Variants in MAPK14 observed in about 807,000 individuals in gnomAD.
MAPK14 encodes the protein CSAID-binding protein.
MAPK14 carries 16 observed loss-of-function variants against 49.6 expected under a neutral mutation model. The ratio of observed to expected loss-of-function variants is 0.32; its 90% confidence interval spans 0.22 to 0.49. The LOEUF (loss-of-function observed/expected upper bound fraction) is 0.49, where lower values mean the gene tolerates loss of function less well. Among genes scored for constraint, MAPK14 ranks in the 20% least tolerant of loss-of-function variants. The probability of loss-of-function intolerance (pLI) is 0.99; values close to 1 mark genes in which losing one functional copy is unlikely to be tolerated. For synonymous variants in MAPK14, 142 were observed against 158.0 expected, an observed-to-expected ratio of 0.90 and a Z score of 0.76; for missense variants, 200 against 441.2, an observed-to-expected ratio of 0.45 and a Z score of 4.90.
intron 9 of MAPK14, among the ~76,000 whole-genome samples, chr6:36,098,871 C>G (rs1165382524): frequency 1.3e-5 from 2 of 152,154 alleles, no homozygotes; most frequent in African/African-American, 4.8e-5. Context: ...TATCTGTACT[C>G]CTAACAAAAT....
chr6:36,117,252 G>C, the MAPK14 span, among the ~76,000 whole-genome samples: 1 of 152,166 alleles, frequency 6.6e-6, no homozygotes, highest in Non-Finnish European at 1.5e-5. Flanking sequence ...AGCCAAAAGG[G>C]CTCAAGCCAG....
intron 7 of MAPK14, 46 bp downstream of exon 7, chr6:36,076,008 G>A (rs1764517975): frequency 1.9e-6 from 3 of 1,591,154 alleles, no homozygotes; most frequent in African/African-American, 2.7e-5. Context: ...ATTCCATGTT[G>A]GATGCATTTG....
At chr6:36,094,784 C>G (rs1765382203) in intron 8 of MAPK14, among the ~76,000 whole-genome samples, 1 of 151,976 alleles carries the variant, frequency 6.6e-6, no homozygotes, top group African/African-American at 2.4e-5. Context: ...AGGGGGCAGA[C>G]AGTAAGCAAA....
the MAPK14 span, among the ~76,000 whole-genome samples, chr6:36,124,095 GTCTC>G: frequency 8.9e-6 from 1 of 112,734 alleles, no homozygotes; most frequent in Admixed American, 9.2e-5. Flanking sequence ...TTTCTTTCTT[GTCTC>G]TCTTTCTCTC....
chr6:36,081,261 T>G (rs1449064241), intron 8 of MAPK14, among the ~76,000 whole-genome samples: 1 of 152,202 alleles, frequency 6.6e-6, no homozygotes, highest in African/African-American at 2.4e-5. Flanking sequence ...AGGTCATGAA[T>G]AATTTACCCC....
chr6:36,102,507 ATTCT>A (rs1226000125), intron 9 of MAPK14, 60 bp from the exon 10 acceptor site: 13 of 1,250,998 alleles, frequency 1.0e-5, no homozygotes, highest in Admixed American at 5.3e-5. Flanking sequence ...CAGGACCAAG[ATTCT>A]TTCTTTGAGA....
intron 3 of MAPK14, among the ~76,000 whole-genome samples, chr6:36,068,592 T>C (rs551081526): frequency 7.0e-4 from 107 of 152,346 alleles, no homozygotes; most frequent in African/African-American, 2.5e-3. Flanking sequence ...TGTTTTGTTT[T>C]GTTTTTTGCC....
chr6:36,066,127 C>A (rs1004827779), intron 3 of MAPK14, among the ~76,000 whole-genome samples: 2 of 152,004 alleles, frequency 1.3e-5, no homozygotes, highest in African/African-American at 4.8e-5. Flanking sequence ...TTATTTGACA[C>A]AACAATCCTG....
At chr6:36,056,777 G>A (rs1347030529) in intron 2 of MAPK14, among the ~76,000 whole-genome samples, 1 of 152,150 alleles carries the variant, frequency 6.6e-6, no homozygotes, top group African/African-American at 2.4e-5. Flanking sequence ...TTGAGGAGAT[G>A]GGCATCTCAG....
intron 2 of MAPK14, 149 bp downstream of exon 2, chr6:36,052,977 T>A: frequency 2.1e-6 from 1 of 482,808 alleles, no homozygotes; most frequent in Non-Finnish European, 3.5e-6. Context: ...CTTGGTTATG[T>A]CAGGTCAAAG....
downstream of MAPK14, among the ~76,000 whole-genome samples, chr6:36,115,642 C>G (rs1011050186): frequency 6.6e-6 from 1 of 151,918 alleles, no homozygotes; most frequent in Non-Finnish European, 1.5e-5. Flanking sequence ...AAAACGTTAA[C>G]TGGGGCGGGG....
At chr6:36,087,763 T>C (rs1196873225) in intron 8 of MAPK14, among the ~76,000 whole-genome samples, 2 of 152,180 alleles carry the variant, frequency 1.3e-5, no homozygotes, top group Non-Finnish European at 2.9e-5. Flanking sequence ...CTGTTGACAT[T>C]CTTCACAGAA....
At chr6:36,043,662 G>A (rs983492851) in intron 1 of MAPK14, among the ~76,000 whole-genome samples, 2 of 152,102 alleles carry the variant, frequency 1.3e-5, no homozygotes, top group African/African-American at 4.8e-5. Context: ...TAGTTATTTA[G>A]AAGGCAAGTT....
chr6:36,030,488 C>A (rs1472715836), intron 1 of MAPK14, among the ~76,000 whole-genome samples: 1 of 151,958 alleles, frequency 6.6e-6, no homozygotes, highest in Non-Finnish European at 1.5e-5. Flanking sequence ...GAGATCGAGA[C>A]CATCCTGGCT....
intron 8 of MAPK14, among the ~76,000 whole-genome samples, chr6:36,085,942 A>G (rs1329222825): frequency 6.6e-6 from 1 of 152,220 alleles, no homozygotes; most frequent in African/African-American, 2.4e-5. Flanking sequence ...AAAGAACTGA[A>G]AATATAACAC....
chr6:36,122,442 A>G, the MAPK14 span, among the ~76,000 whole-genome samples: 3 of 152,370 alleles, frequency 2.0e-5, no homozygotes, highest in South Asian at 4.1e-4. Context: ...AGATGCAGCG[A>G]TAACAAGGCT....
intron 1 of MAPK14, among the ~76,000 whole-genome samples, chr6:36,041,325 C>T (rs1185975210): frequency 6.6e-6 from 1 of 150,874 alleles, no homozygotes; most frequent in East Asian, 1.9e-4. Flanking sequence ...TTTTCTTCCT[C>T]TTTTCTTTCT....
intron 2 of MAPK14, 136 bp from the exon 3 acceptor site, chr6:36,059,153 G>C (rs1393619498): frequency 5.7e-6 from 3 of 521,944 alleles, no homozygotes; most frequent in Non-Finnish European, 6.6e-6. Context: ...GCCTCCCAAA[G>C]TGTTGGGATT....
At chr6:36,069,861 A>C (rs1188676679) in intron 3 of MAPK14, among the ~76,000 whole-genome samples, 1 of 152,216 alleles carries the variant, frequency 6.6e-6, no homozygotes, top group Non-Finnish European at 1.5e-5. Flanking sequence ...GAACTGGCTC[A>C]GGCCTATTAG....
Sources: gnomAD v4.1 joint callset for allele counts (sites outside exome capture counted in the v4.1 genomes callset) on GRCh38, gnomAD v4.1.1 for gene constraint, MANE v1.5 for transcripts, NCBI Gene and HGNC (gene_info 2026-07-23, HGNC 2026-07-21) for gene names.